KATNIP: variants seen among roughly 807,000 people sequenced by gnomAD.
KATNIP encodes katanin interacting protein, also known as katanin-interacting protein.
In KATNIP, 126 loss-of-function variants were observed where a neutral mutation model predicts 174.0. That is an observed-to-expected ratio of 0.72 (90% CI 0.63 to 0.84). The LOEUF is 0.84. KATNIP is among the 40% of genes least tolerant of loss of function. KATNIP has a pLI of 0.00. For missense variants in KATNIP, 1,958 were observed against 2,109.7 expected (o/e 0.93, Z 1.41); for synonymous variants, 810 against 835.7 (o/e 0.97, Z 0.53).
At chr16:27,666,917 TA>T (rs1355509714) in intron 6 of KATNIP, among the ~76,000 whole-genome samples, 1 of 152,170 alleles carries the variant, frequency 6.6e-6, no homozygotes, top group African/African-American at 2.4e-5. Context: ...TGTTATGGAT[TA>T]CATAAGAGAT....
chr16:27,645,107 C>T (rs534623850), intron 5 of KATNIP, among the ~76,000 whole-genome samples: 15 of 152,332 alleles, frequency 9.8e-5, no homozygotes, highest in African/African-American at 3.6e-4. Flanking sequence ...GGCAGTTTCT[C>T]TGGTTCACTA....
At chr16:27,699,490 A>T (rs750694479) in intron 9 of KATNIP, 44 bp from the exon 10 acceptor site, 5 of 1,611,986 alleles carry the variant, frequency 3.1e-6, no homozygotes, top group Non-Finnish European at 3.4e-6. Context: ...CATGGAGTGA[A>T]TGGCTTTGTT....
chr16:27,738,376 T>G (rs2080975248), intron 14 of KATNIP, among the ~76,000 whole-genome samples: 1 of 152,164 alleles, frequency 6.6e-6, no homozygotes, highest in Non-Finnish European at 1.5e-5. Context: ...CGTAGACACA[T>G]GTTAAAACTG....
intron 14 of KATNIP, among the ~76,000 whole-genome samples, chr16:27,732,059 T>C (rs1251491010): frequency 6.6e-6 from 1 of 152,220 alleles, no homozygotes; most frequent in Non-Finnish European, 1.5e-5. Context: ...GAAATGCACT[T>C]TGTTATGTGA....
intron 2 of KATNIP, among the ~76,000 whole-genome samples, chr16:27,616,093 C>T (rs1415078496): frequency 6.6e-6 from 1 of 152,152 alleles, no homozygotes; most frequent in African/African-American, 2.4e-5. Flanking sequence ...GCAAATTGGC[C>T]AGGTGCGGTG....
intron 2 of KATNIP, among the ~76,000 whole-genome samples, chr16:27,616,642 G>A (rs371304440): frequency 2.0e-4 from 31 of 151,452 alleles, no homozygotes; most frequent in African/African-American, 3.9e-4. Flanking sequence ...CAGGAGAATC[G>A]CTTGAACCTG....
intron 2 of KATNIP, among the ~76,000 whole-genome samples, chr16:27,584,408 TG>T (rs1449336694): frequency 6.6e-6 from 1 of 152,060 alleles, no homozygotes; most frequent in African/African-American, 2.4e-5. Context: ...AGGATACTGG[TG>T]CCAGAAAAAG....
intron 14 of KATNIP, among the ~76,000 whole-genome samples, chr16:27,729,358 C>T (rs147536269): frequency 2.6e-5 from 4 of 152,296 alleles, no homozygotes; most frequent in Admixed American, 6.5e-5. Context: ...TGCAATCTAG[C>T]GCCCATTATT....
At chr16:27,754,787 C>T (rs1411190008) in intron 18 of KATNIP, 1 of 152,362 alleles carries the variant, frequency 6.6e-6, no homozygotes, top group Non-Finnish European at 1.5e-5. Context: ...CGTGAAGTCT[C>T]CAGATTCTCA....
At chr16:27,648,867 T>TG in intron 6 of KATNIP, 132 bp downstream of exon 6, 1 of 1,089,928 alleles carries the variant, frequency 9.2e-7, no homozygotes, top group Non-Finnish European at 1.3e-6. Context: ...CCTTCACTCT[T>TG]GCGTTCATTT....
intron 13 of KATNIP, among the ~76,000 whole-genome samples, chr16:27,717,068 T>C (rs1277526772): frequency 6.6e-6 from 1 of 152,116 alleles, no homozygotes; most frequent in Non-Finnish European, 1.5e-5. Context: ...GGTCTCGAAC[T>C]CCTGACCTCG....
intron 6 of KATNIP, among the ~76,000 whole-genome samples, chr16:27,673,177 T>C (rs972869734): frequency 1.3e-5 from 2 of 152,224 alleles, no homozygotes; most frequent in African/African-American, 4.8e-5. Flanking sequence ...TTTAACTAAA[T>C]TCATGTTATC....
At chr16:27,669,950 A>G (rs1262056815) in intron 6 of KATNIP, among the ~76,000 whole-genome samples, 4 of 152,102 alleles carry the variant, frequency 2.6e-5, no homozygotes, top group Non-Finnish European at 1.5e-5. Context: ...CGCTTCCCAA[A>G]GTGCCGAGAT....
At chr16:27,705,874 T>C (rs1432281675) in intron 12 of KATNIP, among the ~76,000 whole-genome samples, 7 of 151,986 alleles carry the variant, frequency 4.6e-5, no homozygotes, top group Non-Finnish European at 1.0e-4. Flanking sequence ...GATGAATCCT[T>C]GCTGTGGTGC....
intron 11 of KATNIP, among the ~76,000 whole-genome samples, chr16:27,702,482 T>A (rs959604893): frequency 6.6e-6 from 1 of 152,208 alleles, no homozygotes; most frequent in African/African-American, 2.4e-5. Flanking sequence ...GCTGAGAGCC[T>A]GTAGTTTCTA....
Position 27,721,925 on chromosome 16 carries a change from C to A in KATNIP, c.1743+230C>A, listed in dbSNP as rs184920638. On this transcript the variant is annotated intron_variant, in intron 14 of 27. Coordinates refer to ENST00000261588, the MANE Select transcript of KATNIP (RefSeq NM_015202.5). ...TGGTATCAGGCCACCCTTGGGGGAA[C>A]TGGAAAAATGTAAGCTGAGACTCAG... Among the ~76,000 whole-genome samples the A allele has an allele frequency of 1.1e-3, 169 of 152,206 alleles. 2 individuals carry two copies. The highest frequency in any genetic ancestry group is 4.0e-3 in the African/African-American group (164 of 41,512).
chr16:27,663,942 C>T (rs1474222116), intron 6 of KATNIP, among the ~76,000 whole-genome samples: 1 of 152,100 alleles, frequency 6.6e-6, no homozygotes, highest in Admixed American at 6.6e-5. Context: ...TCGCAAGCCG[C>T]TGGGACTACA....
intron 20 of KATNIP, among the ~76,000 whole-genome samples, chr16:27,768,281 C>G (rs891692284): frequency 5.3e-5 from 8 of 152,182 alleles, no homozygotes; most frequent in African/African-American, 1.9e-4. Context: ...GGGCAAATCA[C>G]TTAGTCCCTG....
intron 5 of KATNIP, among the ~76,000 whole-genome samples, chr16:27,634,407 G>T (rs1052310350): frequency 3.3e-5 from 5 of 152,204 alleles, no homozygotes; most frequent in Admixed American, 6.5e-5. Context: ...TCTGGGCTGG[G>T]CCTCTAGGAA....
Sources: gnomAD v4.1 joint callset for allele counts (sites outside exome capture counted in the v4.1 genomes callset) on GRCh38, gnomAD v4.1.1 for gene constraint, MANE v1.5 for transcripts, NCBI Gene and HGNC (gene_info 2026-07-23, HGNC 2026-07-21) for gene names.